The following RBPMS variants were observed in gnomAD, a reference collection of about 807,000 sequenced individuals.
RBPMS encodes RNA binding protein, mRNA processing factor.
RBPMS carries 7 observed loss-of-function variants against 26.8 expected under a neutral mutation model. That is an observed-to-expected ratio of 0.26 (90% CI 0.15 to 0.49). The LOEUF (loss-of-function observed/expected upper bound fraction) is 0.49. RBPMS is among the 20% of genes least tolerant of loss of function. The pLI, the probability that RBPMS is intolerant of heterozygous loss-of-function variation, is 0.98. For missense variants in RBPMS, 186 were observed against 250.0 expected (o/e 0.74, Z 1.73); for synonymous variants, 96 against 93.3 (o/e 1.03, Z -0.17).
At chr8:30,436,940 T>TTTTTGG (rs60999877) in intron 1 of RBPMS, among the ~76,000 whole-genome samples, 1 of 151,536 alleles carries the variant, frequency 6.6e-6, no homozygotes. Context: ...TTTTTTTTTT[T>TTTTTGG]GAGAGGGAGT....
At chr8:30,472,178 A>G (rs909700542) in intron 1 of RBPMS, among the ~76,000 whole-genome samples, 3 of 152,244 alleles carry the variant, frequency 2.0e-5, no homozygotes, top group Admixed American at 6.5e-5. Context: ...GTGAATGGAT[A>G]AACTGTGGTG....
intron 5 of RBPMS, among the ~76,000 whole-genome samples, chr8:30,543,532 C>A (rs185363616): frequency 1.3e-5 from 2 of 152,316 alleles, no homozygotes; most frequent in East Asian, 3.9e-4. Flanking sequence ...TGGATAGCGT[C>A]CTTGGCACAC....
At chr8:30,549,497 C>G in intron 6 of RBPMS, 1 of 1,610,816 alleles carries the variant, frequency 6.2e-7, no homozygotes. Context: ...TCTCAACCTG[C>G]AGCTCTGTGA....
At chr8:30,423,900 C>T (rs1436167628) in intron 1 of RBPMS, among the ~76,000 whole-genome samples, 3 of 151,822 alleles carry the variant, frequency 2.0e-5, no homozygotes, top group Non-Finnish European at 1.5e-5. Context: ...TGCCATGGCA[C>T]GATCTTGGCT....
intron 1 of RBPMS, among the ~76,000 whole-genome samples, chr8:30,414,028 C>T (rs1461669155): frequency 1.3e-5 from 2 of 152,188 alleles, no homozygotes; most frequent in Admixed American, 6.5e-5. Context: ...AGGTGTGAGC[C>T]ACCGTGCCCA....
intron 1 of RBPMS, among the ~76,000 whole-genome samples, chr8:30,414,515 TTGGCCAGGAGGCTGGGCAATATGTATCAC>T (rs1222645948): frequency 1.7e-4 from 26 of 152,170 alleles, no homozygotes; most frequent in Non-Finnish European, 4.4e-5. Flanking sequence ...ATCCCAGACC[TTGGCCAGGAGGCTGGGCAATATGTATCAC>T]TGGTCATGAG....
chr8:30,494,071 A>G (rs934906751), intron 4 of RBPMS, among the ~76,000 whole-genome samples: 2 of 152,304 alleles, frequency 1.3e-5, no homozygotes, highest in South Asian at 4.1e-4. Flanking sequence ...TACAAAGGGA[A>G]TCCAGTCTCT....
At chr8:30,522,927 TAAG>T (rs1327070589) in intron 5 of RBPMS, among the ~76,000 whole-genome samples, 2 of 152,238 alleles carry the variant, frequency 1.3e-5, no homozygotes, top group Non-Finnish European at 2.9e-5. Context: ...TAGGTCTATA[TAAG>T]AAGAATAATG....
intron 1 of RBPMS, among the ~76,000 whole-genome samples, chr8:30,462,282 T>C (rs1815998974): frequency 6.6e-6 from 1 of 152,232 alleles, no homozygotes; most frequent in Non-Finnish European, 1.5e-5. Flanking sequence ...AGTGTTATCA[T>C]TGTTTTTGTA....
chr8:30,438,978 T>C (rs1179760302), intron 1 of RBPMS, among the ~76,000 whole-genome samples: 1 of 152,210 alleles, frequency 6.6e-6, no homozygotes, highest in African/African-American at 2.4e-5. Context: ...GGTTTCACCA[T>C]GCTGTCCAGG....
intron 5 of RBPMS, among the ~76,000 whole-genome samples, chr8:30,519,863 G>A (rs56134654): frequency 0.25 from 37,350 of 151,822 alleles, 4,927 homozygotes; most frequent in East Asian, 0.4. Flanking sequence ...ATTCTCCTGG[G>A]TTTGTCTGTT....
chr8:30,477,062 T>C (rs1000603194), intron 2 of RBPMS, among the ~76,000 whole-genome samples: 5 of 152,206 alleles, frequency 3.3e-5, no homozygotes, highest in African/African-American at 4.8e-5. Context: ...TTTTACCAAC[T>C]ATATTTTTTT....
chr8:30,441,944 C>A (rs1813123725), intron 1 of RBPMS, among the ~76,000 whole-genome samples: 1 of 152,144 alleles, frequency 6.6e-6, no homozygotes, highest in Non-Finnish European at 1.5e-5. Context: ...CGTGTGCCAC[C>A]AGGTCCAGCT....
At chr8:30,448,092 A>G (rs1292380681) in intron 1 of RBPMS, among the ~76,000 whole-genome samples, 1 of 152,258 alleles carries the variant, frequency 6.6e-6, no homozygotes, top group Non-Finnish European at 1.5e-5. Flanking sequence ...ATAAACAAAA[A>G]TTATTAGATG....
At chr8:30,541,170 ATC>A (rs1177626674) in intron 5 of RBPMS, among the ~76,000 whole-genome samples, 1 of 152,124 alleles carries the variant, frequency 6.6e-6, no homozygotes, top group Non-Finnish European at 1.5e-5. Context: ...ATTCATGTTT[ATC>A]TCTCTTTCAA....
At chr8:30,526,375 A>G (rs1171930113) in intron 5 of RBPMS, among the ~76,000 whole-genome samples, 1 of 151,484 alleles carries the variant, frequency 6.6e-6, no homozygotes, top group East Asian at 2.0e-4. Context: ...GGCTCTCCAA[A>G]TGTAGGTTAA....
At chr8:30,550,072 G>C (rs560732265) in intron 6 of RBPMS, among the ~76,000 whole-genome samples, 4 of 152,082 alleles carry the variant, frequency 2.6e-5, no homozygotes, top group South Asian at 2.1e-4. Flanking sequence ...GGATGGTCTC[G>C]ATCTCATGAC....
intron 8 of RBPMS, among the ~76,000 whole-genome samples, chr8:30,567,474 C>A (rs1235995107): frequency 6.6e-6 from 1 of 152,212 alleles, no homozygotes; most frequent in African/African-American, 2.4e-5. Flanking sequence ...ACTAGGCCCA[C>A]GGCCTTCTAG....
At chr8:30,564,374 C>T (rs541020830) in intron 7 of RBPMS, 1 of 152,328 alleles carries the variant, frequency 6.6e-6, no homozygotes, top group East Asian at 1.9e-4. Context: ...CTCTGTTTTC[C>T]CAGTGAGGAG....
Sources: allele counts gnomAD v4.1 joint callset (sites outside exome capture counted in the v4.1 genomes callset), GRCh38; gene constraint gnomAD v4.1.1; transcripts MANE v1.5; gene names NCBI Gene and HGNC (gene_info 2026-07-23, HGNC 2026-07-21).